The following SLC8A1 variants were observed in gnomAD, a reference collection of about 807,000 sequenced individuals.
SLC8A1 encodes sodium/calcium exchanger 1.
SLC8A1 carries 18 observed loss-of-function variants against 68.3 expected under a neutral mutation model. That is an observed-to-expected ratio of 0.26 (90% CI 0.18 to 0.39). The LOEUF (loss-of-function observed/expected upper bound fraction) is 0.39, where lower values mean the gene tolerates loss of function less well. Among genes scored for constraint, SLC8A1 ranks in the 10% least tolerant of loss-of-function variants. The pLI is 1.00. For missense variants in SLC8A1, 985 were observed against 1,156.7 expected (o/e 0.85, Z 2.15); for synonymous variants, 475 against 415.5 (o/e 1.14, Z -1.74).
intron 2 of SLC8A1, among the ~76,000 whole-genome samples, chr2:40,185,223 G>C (rs1382891067): frequency 6.6e-6 from 1 of 152,176 alleles, no homozygotes; most frequent in Non-Finnish European, 1.5e-5. Flanking sequence ...GAATTACCAT[G>C]TGAACCAGCA....
chr2:40,497,224 T>A (rs1705769899), intron 1 of SLC8A1, among the ~76,000 whole-genome samples: 1 of 151,872 alleles, frequency 6.6e-6, no homozygotes, highest in African/African-American at 2.4e-5. Context: ...AAAGAAAAAA[T>A]TAACTTCTAA....
intron 2 of SLC8A1, among the ~76,000 whole-genome samples, chr2:40,361,049 T>C (rs1674463260): frequency 6.6e-6 from 1 of 152,142 alleles, no homozygotes; most frequent in Non-Finnish European, 1.5e-5. Context: ...AGCTATCATT[T>C]GTCTATGGTG....
At chr2:40,254,232 TAAAAATA>T (rs1481458774) in intron 2 of SLC8A1, among the ~76,000 whole-genome samples, 5 of 152,048 alleles carry the variant, frequency 3.3e-5, no homozygotes, top group African/African-American at 1.2e-4. Context: ...ATTGATAAAT[TAAAAATA>T]GAAATGAGAT....
intron 1 of SLC8A1, among the ~76,000 whole-genome samples, chr2:40,500,833 C>A (rs1553626495): frequency 3.9e-5 from 1 of 25,444 alleles, no homozygotes; most frequent in Non-Finnish European, 8.0e-5. Context: ...TTGGCTTTTG[C>A]CTCTCTAGTG....
chr2:40,270,842 A>G (rs976374948), intron 2 of SLC8A1, among the ~76,000 whole-genome samples: 1 of 152,146 alleles, frequency 6.6e-6, no homozygotes, highest in Non-Finnish European at 1.5e-5. Context: ...AAGATCTAAG[A>G]TAAGAAGCTG....
At chr2:40,402,141 C>T (rs12328630) in intron 2 of SLC8A1, among the ~76,000 whole-genome samples, 12,889 of 152,164 alleles carry the variant, frequency 0.085, 1,553 homozygotes, top group African/African-American at 0.27. Flanking sequence ...CTGGTCAAAA[C>T]CCACCAAAAC....
rs928880228 is a variant in SLC8A1, at chr2:40,205,246, A to G, written c.1809-27391T>C. The stretch of plus-strand genomic sequence containing the variant: ...TGTACATCATAAATATATAGTTTTC[A>G]TCAATTTAAAAATAAATAAAAACAT... On this transcript the variant is annotated intron_variant, in intron 2 of 7. Transcript: ENST00000406785. 1.6e-4 allele frequency among the ~76,000 whole-genome samples: 23 copies of G among 148,088 alleles called. 1 individual carries two copies. Among genetic ancestry groups the G allele is most frequent in the Admixed American group, 1.0e-3 (15 of 14,632 alleles).
intron 1 of SLC8A1, among the ~76,000 whole-genome samples, chr2:40,432,659 A>G (rs1698597247): frequency 6.6e-6 from 1 of 151,964 alleles, no homozygotes; most frequent in African/African-American, 2.4e-5. Context: ...CCAAGGGGGC[A>G]GGGCTCAGGA....
intron 2 of SLC8A1, among the ~76,000 whole-genome samples, chr2:40,394,442 AGTGTGTGTGTGTGCGT>A (rs929906301): frequency 1.3e-5 from 2 of 151,070 alleles, no homozygotes; most frequent in Non-Finnish European, 3.0e-5. Context: ...TTTTTCTGTT[AGTGTGTGTGTGTGCGT>A]GTGTGTGTGG....
chr2:40,236,892 T>C (rs907794264), intron 2 of SLC8A1, among the ~76,000 whole-genome samples: 49 of 152,048 alleles, frequency 3.2e-4, no homozygotes, highest in Middle Eastern at 3.4e-3. Flanking sequence ...AATTCTGGGT[T>C]GAAAATTCTT....
intron 2 of SLC8A1, among the ~76,000 whole-genome samples, chr2:40,297,361 A>C (rs2070591458): frequency 6.6e-6 from 1 of 152,192 alleles, no homozygotes; most frequent in African/African-American, 2.4e-5. Flanking sequence ...CATAGTCTCC[A>C]AGAACCTGAG....
intron 1 of SLC8A1, among the ~76,000 whole-genome samples, chr2:40,503,760 A>G (rs1207828460): frequency 6.6e-6 from 1 of 152,036 alleles, no homozygotes; most frequent in African/African-American, 2.4e-5. Context: ...GAAGTGAAAG[A>G]TTACTACAAT....
intron 2 of SLC8A1, among the ~76,000 whole-genome samples, chr2:40,266,309 C>T (rs570486170): frequency 6.6e-6 from 1 of 152,126 alleles, no homozygotes; most frequent in Non-Finnish European, 1.5e-5. Context: ...ATCTAAGGAA[C>T]AGTTTCACCT....
At chr2:40,333,331 G>C (rs757002359) in intron 2 of SLC8A1, among the ~76,000 whole-genome samples, 12 of 151,756 alleles carry the variant, frequency 7.9e-5, no homozygotes, top group East Asian at 1.9e-4. Context: ...CCAGTTACTC[G>C]GGAGGTTGAG....
chr2:40,332,712 T>C (rs767514844), intron 2 of SLC8A1, among the ~76,000 whole-genome samples: 5 of 152,176 alleles, frequency 3.3e-5, no homozygotes, highest in Admixed American at 6.5e-5. Context: ...TGTTTAAAAA[T>C]CCTGTGAAGT....
intron 1 of SLC8A1, among the ~76,000 whole-genome samples, chr2:40,443,707 T>C (rs1440850749): frequency 6.6e-6 from 1 of 152,190 alleles, no homozygotes; most frequent in African/African-American, 2.4e-5. Context: ...TGAGTGCTGG[T>C]CTCAGCTCTA....
chr2:40,485,790 G>T (rs555451064), intron 1 of SLC8A1, among the ~76,000 whole-genome samples: 30 of 152,272 alleles, frequency 2.0e-4, no homozygotes, highest in African/African-American at 7.0e-4. Context: ...TAGCAAAAGA[G>T]AGAGGGCATT....
intron 2 of SLC8A1, among the ~76,000 whole-genome samples, chr2:40,355,243 C>G (rs1483616624): frequency 6.6e-6 from 1 of 152,176 alleles, no homozygotes; most frequent in African/African-American, 2.4e-5. Context: ...GGAAAAACAT[C>G]TAACAAGGTG....
At chr2:40,171,691 C>T (rs1453471214) in intron 4 of SLC8A1, among the ~76,000 whole-genome samples, 3 of 152,136 alleles carry the variant, frequency 2.0e-5, no homozygotes, top group Admixed American at 1.3e-4. Context: ...CATTTCCTCC[C>T]CTATGTGTGA....
Sources: allele counts gnomAD v4.1 joint callset (sites outside exome capture counted in the v4.1 genomes callset), GRCh38; gene constraint gnomAD v4.1.1; transcripts MANE v1.5; gene names NCBI Gene and HGNC (gene_info 2026-07-23, HGNC 2026-07-21).